BDP1: variants seen among roughly 807,000 people sequenced by gnomAD.
BDP1 encodes the protein transcription factor TFIIIB component B'' homolog.
In BDP1, 169 loss-of-function variants were observed where a neutral mutation model predicts 266.6. The observed-to-expected ratio is 0.63, with a 90% confidence interval of 0.56 to 0.72. BDP1 has a LOEUF of 0.72. BDP1 is among the 30% of genes least tolerant of loss of function. The pLI, the probability that BDP1 is intolerant of heterozygous loss-of-function variation, is 0.00. For missense variants in BDP1, 3,015 were observed against 3,053.8 expected, an observed-to-expected ratio of 0.99 and a Z score of 0.30; for synonymous variants, 1,090 against 1,022.4, an observed-to-expected ratio of 1.07 and a Z score of -1.26.
At position 71,564,924 on chromosome 5, in the gene BDP1, G is replaced by C. The variant is rs1743937081; in HGVS notation, c.*39G>C. The C allele has an allele frequency of 1.3e-6, 2 of 1,546,074 alleles. No individual in the cohort carries two copies. Among genetic ancestry groups the C allele is most frequent in the Admixed American group, 4.1e-5 (2 of 48,286 alleles). On this transcript the variant is annotated 3_prime_UTR_variant, in exon 39 of 39. Coordinates refer to ENST00000358731, the MANE Select transcript of BDP1 (RefSeq NM_018429.3). ...CTTTTTCTTTTTTAAATTAGGTCTA[G>C]GATTTCCAGAGTCAATTACATCAAC...
chr5:71,526,415 G>C (rs1213482635), intron 25 of BDP1, among the ~76,000 whole-genome samples: 3 of 151,486 alleles, frequency 2.0e-5, no homozygotes, highest in African/African-American at 7.3e-5. Context: ...TCAGGAGTTT[G>C]AGACTAGCCT....
At position 71,511,168 on chromosome 5, in the gene BDP1, C is replaced by G; in HGVS notation, c.4059+17C>G. 1 of 1,572,706 alleles carries G rather than the reference C, an allele frequency of 6.4e-7. No homozygotes were observed. Among genetic ancestry groups the G allele is most frequent in the Non-Finnish European group, 8.6e-7 (1 of 1,164,884 alleles). On this transcript the variant is annotated intron_variant, in intron 17 of 38. Transcript: ENST00000358731. ...GATATTCAGGTATGTATTTTTCTGT[C>G]CTTTAAAAGTTTTTTGAATGCTTTT... is the stretch of plus-strand genomic sequence containing the variant.
chr5:71,496,739 T>C (rs529904417), intron 12 of BDP1, among the ~76,000 whole-genome samples: 1 of 152,182 alleles, frequency 6.6e-6, no homozygotes, highest in African/African-American at 2.4e-5. Context: ...CGTGCCGCCA[T>C]GCATGGCTAA....
chr5:71,562,559 TG>T (rs1743753603), intron 38 of BDP1, 39 bp downstream of exon 38: 2 of 1,588,830 alleles, frequency 1.3e-6, no homozygotes, highest in Admixed American at 1.8e-5. Context: ...TTGTATGAGA[TG>T]GGTTGGATAT....
In BDP1 at chr5:71,510,652, G is replaced by T; in HGVS notation, c.3560G>T (p.Arg1187Leu). 1 of 1,584,868 alleles carries T rather than the reference G, an allele frequency of 6.3e-7. No homozygotes were observed. The highest frequency in any genetic ancestry group is 8.6e-7 in the Non-Finnish European group (1 of 1,162,438). Residue 1187 changes from arginine (R) to leucine (L), a missense_variant, in exon 17 of 39, where the codon CGA becomes CTA. Arg to Leu is a moderately radical substitution (Grantham distance 102, BLOSUM62 -2). Around this residue, in one of 3 missense-constraint regions of BDP1, gnomAD observed 2,383 missense variants for 2,404.9 expected, o/e 0.99. Transcript: ENST00000358731. ...GREGSSREKT[R>L]EVIDAAEVIE... is the part of the protein sequence containing the mutation. The stretch of plus-strand genomic sequence containing the variant: ...GAGGGTTCCTCAAGGGAGAAGACAC[G>T]AGAGGTGATTGATGCTGCTGAGGTA...
rs34331239 is a variant in BDP1, at chr5:71,522,502, C to CAA, written c.5193+27_5193+28dup. The stretch of plus-strand genomic sequence containing the variant: ...AGCTCCTTCTAAAAGTAAGTTTGGG[C>CAA]AAAAAAAAAAAAAAAATTTTTTTTC... On this transcript the variant is annotated intron_variant, in intron 23 of 38. Coordinates refer to ENST00000358731, the MANE Select transcript of BDP1 (RefSeq NM_018429.3). The CAA allele has an allele frequency of 8.9e-3, 12,722 of 1,427,148 alleles. 2 individuals are homozygous for CAA. The highest frequency in any genetic ancestry group is 0.011 in the South Asian group (796 of 75,708). 88.4% of individuals were successfully genotyped at this position (1,427,148 alleles called of 1,614,324 possible). A position where few individuals can be genotyped will look rare whatever the true frequency, so the allele number is the denominator to read the frequency against.
At chr5:71,495,178 A>AT in intron 11 of BDP1, 72 bp from the exon 12 acceptor site, 1 of 973,892 alleles carries the variant, frequency 1.0e-6, no homozygotes, top group East Asian at 2.9e-5. Flanking sequence ...TGTGTTTAAC[A>AT]TTTTTAAAAA....
chr5:71,552,162 C>T (rs1342325601), intron 34 of BDP1, among the ~76,000 whole-genome samples: 4 of 93,566 alleles, frequency 4.3e-5, no homozygotes, highest in South Asian at 4.2e-4. Context: ...CGGGCAGAGA[C>T]GCTCCTCACC....
chr5:71,573,609 C>T, the BDP1 span, among the ~76,000 whole-genome samples: 1 of 152,158 alleles, frequency 6.6e-6, no homozygotes, highest in South Asian at 2.1e-4. Context: ...AAACAATTGG[C>T]GTGAACTTGC....
At chr5:71,535,446 C>A (rs1353478555) in intron 26 of BDP1, among the ~76,000 whole-genome samples, 1 of 152,110 alleles carries the variant, frequency 6.6e-6, no homozygotes, top group East Asian at 1.9e-4. Flanking sequence ...CTCAGGTGAT[C>A]TGCCCACCTT....
intron 10 of BDP1, among the ~76,000 whole-genome samples, chr5:71,490,124 A>G (rs1763500039): frequency 6.6e-6 from 1 of 152,130 alleles, no homozygotes; most frequent in Non-Finnish European, 1.5e-5. Context: ...GAATGCAAAC[A>G]TATTGCCACT....
In BDP1 at chr5:71,461,865, G is replaced by T. The variant is rs1036891302; in HGVS notation, c.538G>T (p.Asp180Tyr). The T allele has an allele frequency of 2.5e-6, 4 of 1,607,264 alleles. No homozygotes were observed. The highest frequency in any genetic ancestry group is 1.7e-6 in the Non-Finnish European group (2 of 1,176,184). Reference protein sequence around the residue: ...YAINESQRPPDRSKMTMRDFI... With the variant: ...YAINESQRPPYRSKMTMRDFI... Reference sequence around the variant, plus strand: ...TATAAATGAAAGTCAGAGGCCACCAGATCGTTCAAAAATGACTATGAGAGA... The same window carrying T: ...TATAAATGAAAGTCAGAGGCCACCATATCGTTCAAAAATGACTATGAGAGA... Residue 180 changes from aspartate to tyrosine, a missense_variant, in exon 3 of 39, where the codon GAT becomes TAT. Around this residue, in one of 3 missense-constraint regions of BDP1, gnomAD observed 2,383 missense variants for 2,404.9 expected, o/e 0.99. Coordinates refer to ENST00000358731, the MANE Select transcript of BDP1 (RefSeq NM_018429.3).
intron 25 of BDP1, among the ~76,000 whole-genome samples, chr5:71,528,980 GCTAT>G (rs1766070258): frequency 6.6e-6 from 1 of 152,120 alleles, no homozygotes; most frequent in African/African-American, 2.4e-5. Flanking sequence ...ATTAATACAG[GCTAT>G]CTTTTTTAAT....
intron 7 of BDP1, among the ~76,000 whole-genome samples, chr5:71,478,259 A>G (rs1037289533): frequency 6.6e-6 from 1 of 152,162 alleles, no homozygotes; most frequent in Admixed American, 6.5e-5. Context: ...CAAAAACAAA[A>G]ACAAAAACAA....
chr5:71,576,579 C>G, the BDP1 span, among the ~76,000 whole-genome samples: 2 of 152,364 alleles, frequency 1.3e-5, no homozygotes, highest in East Asian at 3.9e-4. Flanking sequence ...TCCTACCCCC[C>G]TCCATAGACC....
intron 38 of BDP1, among the ~76,000 whole-genome samples, chr5:71,564,192 G>C (rs1409541321): frequency 6.6e-6 from 1 of 151,882 alleles, no homozygotes; most frequent in Non-Finnish European, 1.5e-5. Context: ...CTAGTCTTCT[G>C]TTTCATTGAT....
chr5:71,556,463 AG>A (rs1743222823), intron 35 of BDP1, among the ~76,000 whole-genome samples: 1 of 152,088 alleles, frequency 6.6e-6, no homozygotes, highest in Non-Finnish European at 1.5e-5. Context: ...CCATTTTATA[AG>A]TTTTTTTCAA....
At chr5:71,481,391 G>GAAAAAAAAAAAAAA (rs58798987) in intron 7 of BDP1, among the ~76,000 whole-genome samples, 14 of 63,836 alleles carry the variant, frequency 2.2e-4, no homozygotes, top group Admixed American at 4.5e-4. Context: ...TCTCTACAAA[G>GAAAAAAAAAAAAAA]AAAAAAAAAA....
intron 28 of BDP1, among the ~76,000 whole-genome samples, chr5:71,540,230 T>C (rs1029974819): frequency 6.6e-6 from 1 of 152,230 alleles, no homozygotes; most frequent in Non-Finnish European, 1.5e-5. Context: ...AATGAATAAT[T>C]ATACTATTCC....
Sources: gnomAD v4.1 joint callset for allele counts (sites outside exome capture counted in the v4.1 genomes callset) on GRCh38, gnomAD v4.1.1 for gene constraint, gnomAD v4.1.1 regional missense constraint, MANE v1.5 for transcripts, NCBI Gene and HGNC (gene_info 2026-07-23, HGNC 2026-07-21) for gene names.